Variants in RGL1 observed in about 807,000 individuals in gnomAD.
RGL1 encodes the protein ral guanine nucleotide dissociation stimulator-like 1.
RGL1 carries 24 observed loss-of-function variants against 95.2 expected under a neutral mutation model. The observed-to-expected ratio is 0.25, with a 90% CI of 0.18 to 0.35. The LOEUF (loss-of-function observed/expected upper bound fraction) is 0.35. Among genes scored for constraint, RGL1 ranks in the 10% least tolerant of loss-of-function variants. The pLI is 1.00. For missense variants in RGL1, 715 were observed against 936.3 expected (o/e 0.76, Z 3.08); for synonymous variants, 329 against 344.9 (o/e 0.95, Z 0.51).
chr1:183,675,444 A>G (rs953546387), intron 1 of RGL1, among the ~76,000 whole-genome samples: 6 of 149,346 alleles, frequency 4.0e-5, no homozygotes, highest in East Asian at 4.0e-4. Context: ...AACATATCTA[A>G]GGCTTTTGGA....
intron 1 of RGL1, among the ~76,000 whole-genome samples, chr1:183,668,902 T>C (rs1350374073): frequency 6.6e-6 from 1 of 151,690 alleles, no homozygotes; most frequent in East Asian, 1.9e-4. Flanking sequence ...TTATTTTCAG[T>C]CTGTTTTCTT....
chr1:183,713,099 A>C (rs1029263267), intron 1 of RGL1, among the ~76,000 whole-genome samples: 2 of 151,838 alleles, frequency 1.3e-5, no homozygotes, highest in African/African-American at 4.8e-5. Flanking sequence ...GATCTCGGCT[A>C]ACTGCAACTT....
intron 1 of RGL1, among the ~76,000 whole-genome samples, chr1:183,668,614 T>C (rs1392593171): frequency 6.6e-6 from 1 of 152,050 alleles, no homozygotes; most frequent in Non-Finnish European, 1.5e-5. Context: ...CTGGCTGCGA[T>C]TTTTTCTTTA....
intron 3 of RGL1, among the ~76,000 whole-genome samples, chr1:183,859,780 CTTG>C (rs929476086): frequency 1.3e-5 from 2 of 152,094 alleles, no homozygotes; most frequent in Non-Finnish European, 2.9e-5. Flanking sequence ...GAGTTTTTGC[CTTG>C]TTGTTTTTGA....
intron 2 of RGL1, among the ~76,000 whole-genome samples, chr1:183,763,062 A>T (rs979982325): frequency 6.6e-6 from 1 of 152,240 alleles, no homozygotes; most frequent in Admixed American, 6.5e-5. Context: ...ATGCAGCCAT[A>T]AAAAAGATGA....
chr1:183,760,933 C>T (rs765159681), intron 2 of RGL1, among the ~76,000 whole-genome samples: 6 of 152,186 alleles, frequency 3.9e-5, no homozygotes, highest in African/African-American at 9.7e-5. Context: ...AGAAGTCACT[C>T]GTTGTCCATT....
intron 1 of RGL1, chr1:183,647,646 G>A (rs10911388): frequency 1.3e-6 from 2 of 1,546,556 alleles, no homozygotes; most frequent in Non-Finnish European, 1.7e-6. Context: ...AAGTCCCTTG[G>A]TAATTGGTTT....
intron 4 of RGL1, among the ~76,000 whole-genome samples, chr1:183,873,384 A>G (rs1416587895): frequency 5.9e-5 from 9 of 152,232 alleles, no homozygotes; most frequent in African/African-American, 1.4e-4. Flanking sequence ...GTCTTCTTCA[A>G]CCATCACAAA....
intron 2 of RGL1, among the ~76,000 whole-genome samples, chr1:183,758,326 A>C (rs2102300496): frequency 6.6e-6 from 1 of 151,986 alleles, no homozygotes; most frequent in African/African-American, 2.4e-5. Context: ...CCTCCAGAGT[A>C]GCTGGGACTA....
At chr1:183,718,564 G>A (rs1236706363) in intron 1 of RGL1, among the ~76,000 whole-genome samples, 1 of 152,106 alleles carries the variant, frequency 6.6e-6, no homozygotes, top group Non-Finnish European at 1.5e-5. Flanking sequence ...TTGAGTTTAG[G>A]CTGCTTAAGT....
intron 4 of RGL1, among the ~76,000 whole-genome samples, chr1:183,868,089 C>T (rs1665947582): frequency 6.6e-6 from 1 of 152,110 alleles, no homozygotes; most frequent in Non-Finnish European, 1.5e-5. Context: ...AGGAGGTTAC[C>T]TTTGATCTGG....
At chr1:183,732,446 A>G (rs1031228837) in intron 1 of RGL1, among the ~76,000 whole-genome samples, 5 of 152,166 alleles carry the variant, frequency 3.3e-5, no homozygotes, top group Admixed American at 6.6e-5. Context: ...GCCGACACCC[A>G]ACCGAGTGCT....
At chr1:183,636,766 G>A (rs1175402810) in intron 1 of RGL1, among the ~76,000 whole-genome samples, 1 of 152,126 alleles carries the variant, frequency 6.6e-6, no homozygotes, top group Non-Finnish European at 1.5e-5. Context: ...ATCTAGGCCA[G>A]ATTTAAAAAA....
chr1:183,902,661 G>A, intron 12 of RGL1, 61 bp downstream of exon 12: 2 of 1,532,206 alleles, frequency 1.3e-6, no homozygotes, highest in East Asian at 2.3e-5. Context: ...AAAGAAATGG[G>A]GACTTAAGTT....
chr1:183,830,189 G>A (rs1479417433), intron 2 of RGL1, among the ~76,000 whole-genome samples: 9 of 152,140 alleles, frequency 5.9e-5, no homozygotes, highest in Non-Finnish European at 1.2e-4. Flanking sequence ...TTTATAAAGT[G>A]GCAATGCGCC....
In RGL1 at chr1:183,904,963, G is replaced by C. The variant is rs751666953; in HGVS notation, c.1464G>C (p.Glu488Asp). The change falls in exon 13 of 18, where the codon GAG (glutamate) becomes GAC (aspartate). Residue 488 changes from glutamate (E) to aspartate (D), a missense_variant. Physicochemically the swap from Glu to Asp is conservative, Grantham distance 45. Transcript: ENST00000360851. ...TCCAGAGGCAGCAGCTCCTGACAGA[G>C]GAGGAGAGGTGGGATCACCTGTCGT... is the stretch of plus-strand genomic sequence containing the variant. ...QWFQRQQLLT[E>D]EESYALSCEI... 7 of 1,612,582 alleles carry C rather than the reference G, an allele frequency of 4.3e-6. No homozygotes were observed. The highest frequency in any genetic ancestry group is 5.9e-6 in the Non-Finnish European group (7 of 1,179,544).
chr1:183,854,116 A>C (rs1664993275), intron 3 of RGL1, among the ~76,000 whole-genome samples: 1 of 152,214 alleles, frequency 6.6e-6, no homozygotes, highest in African/African-American at 2.4e-5. Context: ...GTGCAAATAC[A>C]TTTATATAAT....
At chr1:183,693,793 T>C (rs1015688449) in intron 1 of RGL1, among the ~76,000 whole-genome samples, 8 of 152,166 alleles carry the variant, frequency 5.3e-5, no homozygotes, top group African/African-American at 1.9e-4. Flanking sequence ...GTTCTGGAGC[T>C]GAGCACCTGC....
intron 1 of RGL1, among the ~76,000 whole-genome samples, chr1:183,710,730 G>T (rs995826144): frequency 1.3e-5 from 2 of 152,142 alleles, no homozygotes; most frequent in Non-Finnish European, 2.9e-5. Flanking sequence ...CAGATCTCAT[G>T]AGAACTCCCT....
Sources: allele counts gnomAD v4.1 joint callset (sites outside exome capture counted in the v4.1 genomes callset), GRCh38; gene constraint gnomAD v4.1.1; transcripts MANE v1.5; gene names NCBI Gene and HGNC (gene_info 2026-07-23, HGNC 2026-07-21).